FLG2: variants seen among roughly 807,000 people sequenced by gnomAD.
FLG2 encodes the protein filaggrin-2.
A neutral mutation model predicts 3.9 loss-of-function variants in FLG2; 7 were observed. That is an observed-to-expected ratio of 1.79 (90% CI 1.02 to 3.36). The LOEUF is 3.36. Among genes scored for constraint, FLG2 ranks in the 30% most tolerant of loss-of-function variants. FLG2 has a pLI of 0.00. For synonymous variants in FLG2, 1,031 were observed against 1,056.1 expected, an observed-to-expected ratio of 0.98 and a Z score of 0.46; for missense variants, 2,700 against 2,809.4, an observed-to-expected ratio of 0.96 and a Z score of 0.88.
In FLG2 at chr1:152,355,980, T is replaced by C. The variant is rs781341409; in HGVS notation, c.1806A>G (p.Gln602=). The C allele has an allele frequency of 3.1e-6, 5 of 1,612,140 alleles. No homozygotes were observed. Among genetic ancestry groups the C allele is most frequent in the Middle Eastern group, 1.7e-4 (1 of 6,056 alleles). The part of the protein sequence containing the change: ...GFGQHGSGSG[Q]SSGFGQHESR... ...ACTCATGTTGTCCAAAGCCAGAGGA[T>C]TGTCCTGAGCCAGACCCATGTTGTC... The change falls in exon 3 of 3, where the codon CAA becomes CAG. Residue 602 remains glutamine, a synonymous_variant. Transcript: ENST00000388718.
Position 152,355,061 on chromosome 1 carries a change from C to A in FLG2, c.2725G>T (p.Gly909Cys), listed in dbSNP as rs781552994. 2.0e-5 allele frequency: 31 copies of A among 1,546,324 alleles called. 6 individuals carry two copies. The highest frequency in any genetic ancestry group is 2.6e-5 in the Non-Finnish European group (30 of 1,148,524). Residue 909 changes from glycine (G) to cysteine (C), a missense_variant, in exon 3 of 3, where the codon GGT (glycine) becomes TGT (cysteine). Physicochemically the swap from Gly to Cys is radical, Grantham distance 159. Coordinates refer to ENST00000388718, the MANE Select transcript of FLG2 (RefSeq NM_001014342.3). Reference protein sequence around the residue: ...QHGTGSGQYSGFGQHESRSHQ... With the variant: ...QHGTGSGQYSCFGQHESRSHQ... ...GATCTAGACTCATGTTGTCCAAAAC[C>A]AGAGTATTGTCCTGAGCCAGTCCCA... is the stretch of plus-strand genomic sequence containing the variant.
chr1:152,354,217 G>C lies in FLG2; in HGVS notation c.3569C>G (p.Ser1190Cys). The C allele has an allele frequency of 1.2e-6, 2 of 1,614,182 alleles. No individual in the cohort carries two copies. The highest frequency in any genetic ancestry group is 1.1e-5 in the South Asian group (1 of 91,068). ...GQHVSGSDNF[S>C]SSGQHISDSG... is the part of the protein sequence containing the mutation. Reference sequence around the variant, plus strand: ...GTCAGATATATGTTGTCCAGAACTAGAGAAATTGTCTGAGCCAGACACATG... The same window carrying C: ...GTCAGATATATGTTGTCCAGAACTACAGAAATTGTCTGAGCCAGACACATG... The change falls in exon 3 of 3, where the codon TCT (serine) becomes TGT (cysteine). Residue 1190 changes from serine (S) to cysteine (C), a missense_variant. Transcript: ENST00000388718.
rs763526275 is a variant in FLG2 at position 152,356,827 on chromosome 1, C to T, written c.959G>A (p.Gly320Glu). ...GCCATGGCCTTGTCCTCCCTTAATT[C>T]CTGACTGACAGCCTGACTGAATATA... ...FSYIQSGCQS[G>E]IKGGQGHGCV... Residue 320 changes from glycine to glutamate, a missense_variant, in exon 3 of 3, where the codon GGA becomes GAA. Coordinates refer to ENST00000388718, the MANE Select transcript of FLG2 (RefSeq NM_001014342.3). 37 of 1,614,096 alleles carry T rather than the reference C, an allele frequency of 2.3e-5. 1 individual carries two copies. The South Asian group carries it at 4.0e-4, about 17-fold the overall frequency.
In FLG2 at chr1:152,352,197, T is replaced by C; in HGVS notation, c.5589A>G (p.Gly1863=). Reference sequence around the variant, plus strand: ...TACTGGATCCTGACTGTGTGGACTGTCCATGACCAGATTGAGAATGTCCAC... The same window carrying C: ...TACTGGATCCTGACTGTGTGGACTGCCCATGACCAGATTGAGAATGTCCAC... ...DTSGHSQSGH[G]QSTQSGSSTT... Residue 1863 remains glycine (G), a synonymous_variant, in exon 3 of 3, where the codon GGA becomes GGG. Coordinates refer to ENST00000388718, the MANE Select transcript of FLG2 (RefSeq NM_001014342.3). The C allele has an allele frequency of 6.2e-7, 1 of 1,613,974 alleles. No homozygotes were observed. The highest frequency in any genetic ancestry group is 1.1e-5 in the South Asian group (1 of 91,068).
Position 152,355,926 on chromosome 1 carries a change from T to C in FLG2, c.1860A>G (p.Gln620=). Residue 620 remains glutamine (Q), a synonymous_variant, in exon 3 of 3, where the codon CAA becomes CAG. Coordinates refer to ENST00000388718, the MANE Select transcript of FLG2 (RefSeq NM_001014342.3). ...ESRSGQSSYG[Q]HSSGSSQSSG... is the part of the protein sequence containing the mutation. The stretch of plus-strand genomic sequence containing the variant: ...ATGACTGACTTGAGCCAGAACTGTG[T>C]TGGCCATAACTAGACTGACCTGATC... 3 of 1,606,782 alleles carry C rather than the reference T, an allele frequency of 1.9e-6. No homozygotes were observed. The highest frequency in any genetic ancestry group is 2.5e-6 in the Non-Finnish European group (3 of 1,177,320).
rs1007130567 is a variant in FLG2 at position 152,350,661 on chromosome 1, G to A, written c.7125C>T (p.His2375=). ...GGSRKSISNS[H]LSWSTDSTAN... is the part of the protein sequence containing the mutation. ...CAGTGCTGTCTGTTGACCATGAAAG[G>A]TGAGAATTACTGATGCTTTTTCTGC... The change falls in exon 3 of 3, where the codon CAC becomes CAT. Residue 2375 remains histidine (H), a synonymous_variant. Coordinates refer to ENST00000388718, the MANE Select transcript of FLG2 (RefSeq NM_001014342.3). 3.1e-6 allele frequency: 5 copies of A among 1,614,156 alleles called. No homozygotes were observed. Among genetic ancestry groups the A allele is most frequent in the Non-Finnish European group, 4.2e-6 (5 of 1,180,020 alleles).
chr1:152,356,332 C>T lies in FLG2; in HGVS notation c.1454G>A (p.Gly485Asp). 1.9e-6 allele frequency: 3 copies of T among 1,614,200 alleles called. No homozygotes were observed. The highest frequency in any genetic ancestry group is 2.5e-6 in the Non-Finnish European group (3 of 1,180,034). The change falls in exon 3 of 3, where the codon GGC becomes GAC. Residue 485 changes from glycine (G) to aspartate (D), a missense_variant. Physicochemically the swap from Gly to Asp is moderately conservative, Grantham distance 94. Transcript: ENST00000388718. ...TCCAAAGCCAGAGGACTGACCTGAG[C>T]CAGACCCATGTTGTCCAAAGCCAGA... ...KTSGFGQHGS[G>D]SGQSSGFGQC...
rs772232486 is a variant in FLG2 at position 152,355,200 on chromosome 1, C to T, written c.2586G>A (p.Gly862=). ...AGCCAGATGTCTGTCCCGAACTTGA[C>T]CCATGTTGACCATAGCCAGATGATT... The part of the protein sequence containing the change: ...SSQSSGYGQH[G]SSSGQTSGFG... The change falls in exon 3 of 3, where the codon GGG becomes GGA. Residue 862 remains glycine, a synonymous_variant. Coordinates refer to ENST00000388718, the MANE Select transcript of FLG2 (RefSeq NM_001014342.3). The T allele has an allele frequency of 3.7e-6, 6 of 1,606,856 alleles. No homozygotes were observed. The East Asian group carries it at 1.1e-4, about 31-fold the overall frequency.
In FLG2 at chr1:152,357,149, T is replaced by A. The variant is rs1219284147; in HGVS notation, c.637A>T (p.Ile213Phe). The part of the protein sequence containing the change: ...ELRERINKSH[I>F]SPSRESGEEY... ...TCCCCAGATTCCCTAGAAGGGCTAA[T>A]GTGTGACTTGTTTATTCTTTCTCTC... The change falls in exon 3 of 3, where the codon ATT becomes TTT. Residue 213 changes from isoleucine to phenylalanine, a missense_variant. By Grantham distance (21) the Ile-to-Phe change is conservative. Coordinates refer to ENST00000388718, the MANE Select transcript of FLG2 (RefSeq NM_001014342.3). 6.2e-7 allele frequency: 1 copy of A among 1,614,228 alleles called. No individual in the cohort carries two copies.
rs150148447 is a variant in FLG2, at chr1:152,352,215, A to G, written c.5571T>C (p.His1857=). 1.2e-6 allele frequency: 2 copies of G among 1,613,524 alleles called. No individual in the cohort carries two copies. The highest frequency in any genetic ancestry group is 1.7e-6 in the Non-Finnish European group (2 of 1,179,878). Residue 1857 remains histidine, a synonymous_variant, in exon 3 of 3, where the codon CAT becomes CAC. Coordinates refer to ENST00000388718, the MANE Select transcript of FLG2 (RefSeq NM_001014342.3). The stretch of plus-strand genomic sequence containing the variant: ...TGGACTGTCCATGACCAGATTGAGA[A>G]TGTCCACTGGTATCTCCTGTCTGTC... The part of the protein sequence containing the change: ...THGQTGDTSG[H]SQSGHGQSTQ...
rs1654197369 is a variant in FLG2, at chr1:152,355,800, T to C, written c.1986A>G (p.Ser662=). The change falls in exon 3 of 3, where the codon TCA becomes TCG. Residue 662 remains serine (S), a synonymous_variant. Transcript: ENST00000388718. ...STGFGQYGSG[S]GQSSGFGQHV... ...GTTGTCCAAAGCCAGAGGACTGACC[T>C]GAGCCTGATCCATATTGGCCAAAGC... 5 of 1,613,360 alleles carry C rather than the reference T, an allele frequency of 3.1e-6. No homozygotes were observed. The highest frequency in any genetic ancestry group is 4.2e-6 in the Non-Finnish European group (5 of 1,179,922).
rs752487007 is a variant in FLG2 at position 152,354,972 on chromosome 1, A to C, written c.2814T>G (p.His938Gln). The change falls in exon 3 of 3, where the codon CAT (histidine) becomes CAG (glutamine). Residue 938 changes from histidine to glutamine, a missense_variant. Physicochemically the swap from His to Gln is conservative, Grantham distance 24. Coordinates refer to ENST00000388718, the MANE Select transcript of FLG2 (RefSeq NM_001014342.3). ...GSSQSSGYGQHGSSSGQTFGF... is the reference protein window; with the variant it reads ...GSSQSSGYGQQGSSSGQTFGF... Reference sequence around the variant, plus strand: ...CAAAAGTCTGTCCTGAACTTGACCCATGTTGACCATAGCCAGATGACTGAC... The same window carrying C: ...CAAAAGTCTGTCCTGAACTTGACCCCTGTTGACCATAGCCAGATGACTGAC... 1 of 1,590,144 alleles carries C rather than the reference A, an allele frequency of 6.3e-7. No individual in the cohort carries two copies. The highest frequency in any genetic ancestry group is 1.1e-5 in the South Asian group (1 of 88,060).
At position 152,354,924 on chromosome 1, in the gene FLG2, G is replaced by T. The variant is rs1210231212; in HGVS notation, c.2862C>A (p.Gly954=). 4 of 1,613,322 alleles carry T rather than the reference G, an allele frequency of 2.5e-6. No homozygotes were observed. Among genetic ancestry groups the T allele is most frequent in the Non-Finnish European group, 3.4e-6 (4 of 1,179,956 alleles). Residue 954 remains glycine, a synonymous_variant, in exon 3 of 3, where the codon GGC becomes GGA. Transcript: ENST00000388718. ...GGCCAAAGCCAGAGGATTGACCTGA[G>T]CCTGACCTGTGTTGTCCAAATCCAA... ...QTFGFGQHRS[G]SGQSSGFGQH...
rs1242391735 is a variant in FLG2 at position 152,356,494 on chromosome 1, T to G, written c.1292A>C (p.Gln431Pro). The G allele has an allele frequency of 1.2e-6, 2 of 1,614,140 alleles. No homozygotes were observed. Among genetic ancestry groups the G allele is most frequent in the African/African-American group, 1.3e-5 (1 of 74,952 alleles). ...SGSSQSTSFE[Q>P]HGTGLSQSSG... ...GGACTGACTCAAGCCTGTTCCATGT[T>G]GTTCAAAGCTAGTAGACTGACTTGA... is the stretch of plus-strand genomic sequence containing the variant. The change falls in exon 3 of 3, where the codon CAA becomes CCA. Residue 431 changes from glutamine to proline, a missense_variant. Coordinates refer to ENST00000388718, the MANE Select transcript of FLG2 (RefSeq NM_001014342.3).
chr1:152,352,343 A>G lies in FLG2; in HGVS notation c.5443T>C (p.Phe1815Leu). The G allele has an allele frequency of 6.4e-7, 1 of 1,571,448 alleles. No homozygotes were observed. The highest frequency in any genetic ancestry group is 8.6e-7 in the Non-Finnish European group (1 of 1,161,652). ...CCTCGTGAGTGTGGTCTTTGTGAGA[A>G]CCCTGAGTGCCCTTCACTGTCACTG... is the stretch of plus-strand genomic sequence containing the variant. ...EYSDSEGHSG[F>L]SQRPHSRGHT... The change falls in exon 3 of 3, where the codon TTC (phenylalanine) becomes CTC (leucine). Residue 1815 changes from phenylalanine (F) to leucine (L), a missense_variant. Physicochemically the swap from Phe to Leu is conservative, Grantham distance 22. Transcript: ENST00000388718.
At position 152,353,921 on chromosome 1, in the gene FLG2, A is replaced by G; in HGVS notation, c.3865T>C (p.Ser1289Pro). ...CCAGCTTGTGTGTGAATGTGTTCTG[A>G]ATGTCTGTGTGAGACCTTTGAGTGC... ...EVHSKVSHRH[S>P]EHIHTQAGSH... is the part of the protein sequence containing the mutation. The change falls in exon 3 of 3, where the codon TCA becomes CCA. Residue 1289 changes from serine (S) to proline (P), a missense_variant. By Grantham distance (74) the Ser-to-Pro change is moderately conservative. Transcript: ENST00000388718. 1 of 1,612,608 alleles carries G rather than the reference A, an allele frequency of 6.2e-7. No homozygotes were observed. The highest frequency in any genetic ancestry group is 8.5e-7 in the Non-Finnish European group (1 of 1,179,548).
At position 152,352,882 on chromosome 1, in the gene FLG2, T is replaced by C; in HGVS notation, c.4904A>G (p.His1635Arg). 6.2e-7 allele frequency: 1 copy of C among 1,613,804 alleles called. No homozygotes were observed. The highest frequency in any genetic ancestry group is 2.2e-5 in the East Asian group (1 of 44,848). The change falls in exon 3 of 3, where the codon CAT (histidine) becomes CGT (arginine). Residue 1635 changes from histidine to arginine, a missense_variant. By Grantham distance (29) the His-to-Arg change is conservative (BLOSUM62 0). Coordinates refer to ENST00000388718, the MANE Select transcript of FLG2 (RefSeq NM_001014342.3). ...GDTTGHSHSG[H>R]GQSTQRGSRT... ...GGACCCTCTCTGTGTGGACTGTCCA[T>C]GACCAGAGTGGGAATGTCCAGTGGT...
rs1654294319 is a variant in FLG2 at position 152,357,566 on chromosome 1, A to G, written c.220T>C (p.Phe74Leu). ...DHDRRLDFTEFLLMIFKLTMA... is the reference protein window; with the variant it reads ...DHDRRLDFTELLLMIFKLTMA... ...GTCAGCTTGAATATCATCAAAAGAA[A>G]CTCAGTAAAGTCCAATCTTCTGTCA... The change falls in exon 3 of 3, where the codon TTT (phenylalanine) becomes CTT (leucine). Residue 74 changes from phenylalanine to leucine, a missense_variant. Phe to Leu is a conservative substitution (Grantham distance 22, BLOSUM62 0). Transcript: ENST00000388718. 6.2e-7 allele frequency: 1 copy of G among 1,613,880 alleles called. No homozygotes were observed. Among genetic ancestry groups the G allele is most frequent in the South Asian group, 1.1e-5 (1 of 91,048 alleles).
Position 152,355,442 on chromosome 1 carries a change from C to T in FLG2, c.2344G>A (p.Gly782Ser). The T allele has an allele frequency of 6.2e-7, 1 of 1,613,206 alleles. No homozygotes were observed. Among genetic ancestry groups the T allele is most frequent in the Non-Finnish European group, 8.5e-7 (1 of 1,179,868 alleles). Reference sequence around the variant, plus strand: ...TGTCTAGACCCATGTTGGCCATAGCCAGATGACTGACTTGAGCCAGAACTG... The same window carrying T: ...TGTCTAGACCCATGTTGGCCATAGCTAGATGACTGACTTGAGCCAGAACTG... Reference protein sequence around the residue: ...QHSSGSSQSSGYGQHGSRQTS... With the variant: ...QHSSGSSQSSSYGQHGSRQTS... Residue 782 changes from glycine to serine, a missense_variant, in exon 3 of 3, where the codon GGC becomes AGC. Transcript: ENST00000388718.
Sources: gnomAD v4.1 joint callset for allele counts on GRCh38, gnomAD v4.1.1 for gene constraint, MANE v1.5 for transcripts, NCBI Gene and HGNC (gene_info 2026-07-23, HGNC 2026-07-21) for gene names.